VWA3B: variants seen among roughly 807,000 people sequenced by gnomAD.
VWA3B encodes the protein von Willebrand factor A domain containing 3B.
A neutral mutation model predicts 158.3 loss-of-function variants in VWA3B; 138 were observed. The ratio of observed to expected loss-of-function variants is 0.87; its 90% CI spans 0.76 to 1.00. VWA3B has a LOEUF of 1.00. Ranked by LOEUF, VWA3B falls within the 50% of genes least tolerant of loss-of-function variation. VWA3B has a pLI of 0.00. For missense variants in VWA3B, 1,555 were observed against 1,565.1 expected (o/e 0.99, Z 0.11); for synonymous variants, 596 against 587.3 (o/e 1.01, Z -0.21).
chr2:98,088,042 T>C (rs1439524828), intron 1 of VWA3B, among the ~76,000 whole-genome samples: 2 of 152,180 alleles, frequency 1.3e-5, no homozygotes, highest in East Asian at 3.9e-4. Context: ...TTTGAGCCAA[T>C]GATCACAGCC....
At chr2:98,199,289 T>G (rs1431778044) in intron 12 of VWA3B, among the ~76,000 whole-genome samples, 1 of 152,186 alleles carries the variant, frequency 6.6e-6, no homozygotes, top group Non-Finnish European at 1.5e-5. Context: ...ATTTCCTGTT[T>G]TGGGTTTTAT....
intron 15 of VWA3B, 50 bp downstream of exon 15, chr2:98,228,382 T>C: frequency 6.4e-7 from 1 of 1,568,164 alleles, no homozygotes; most frequent in Non-Finnish European, 8.6e-7. Context: ...TCTTGAGAGC[T>C]GGGCTTGCCC....
intron 19 of VWA3B, among the ~76,000 whole-genome samples, chr2:98,247,846 T>C (rs1686499726): frequency 6.6e-6 from 1 of 152,122 alleles, no homozygotes; most frequent in Non-Finnish European, 1.5e-5. Flanking sequence ...GATTATGGTT[T>C]TAAATGCTGA....
chr2:98,169,690 C>T (rs566130883), intron 8 of VWA3B, among the ~76,000 whole-genome samples: 94 of 147,468 alleles, frequency 6.4e-4, no homozygotes, highest in Non-Finnish European at 1.3e-3. Flanking sequence ...TGTTCAGAGA[C>T]GTGGGTGGGA....
At chr2:98,171,779 T>C (rs566652268) in intron 8 of VWA3B, among the ~76,000 whole-genome samples, 1 of 152,148 alleles carries the variant, frequency 6.6e-6, no homozygotes, top group East Asian at 1.9e-4. Flanking sequence ...AGTACAGTGA[T>C]GGTGGCATCC....
At chr2:98,240,507 T>C (rs1374011277) in intron 19 of VWA3B, among the ~76,000 whole-genome samples, 1 of 152,204 alleles carries the variant, frequency 6.6e-6, no homozygotes, top group Non-Finnish European at 1.5e-5. Flanking sequence ...GCATTTTAAA[T>C]TTTGATAATT....
At chr2:98,182,046 G>A (rs540396434) in intron 9 of VWA3B, among the ~76,000 whole-genome samples, 2 of 152,244 alleles carry the variant, frequency 1.3e-5, no homozygotes, top group Non-Finnish European at 2.9e-5. Context: ...CAAAACCAAA[G>A]GCAGGCTCTT....
At chr2:98,307,766 A>G (rs975747458) in intron 26 of VWA3B, among the ~76,000 whole-genome samples, 7 of 152,262 alleles carry the variant, frequency 4.6e-5, no homozygotes, top group African/African-American at 1.7e-4. Flanking sequence ...TTCACAGGCT[A>G]TTAAAGACAT....
At position 98,164,499 on chromosome 2, in the gene VWA3B, G is replaced by A. The variant is rs79645821; in HGVS notation, c.1114+1523G>A. On this transcript the variant is annotated intron_variant, in intron 8 of 27. Coordinates refer to ENST00000477737, the MANE Select transcript of VWA3B (RefSeq NM_144992.5). ...TCATTTAAGCCTCATAACTCTATGA[G>A]GGAGTTTCTTATTATCTCCAACTGA... is the stretch of plus-strand genomic sequence containing the variant. Among the ~76,000 whole-genome samples, 462 of 152,312 alleles carry A rather than the reference G, an allele frequency of 3.0e-3. 3 individuals are homozygous for A. The highest frequency in any genetic ancestry group is 0.011 in the African/African-American group (437 of 41,560).
intron 19 of VWA3B, chr2:98,245,404 T>G (rs1686328847): frequency 5.3e-6 from 2 of 373,942 alleles, no homozygotes; most frequent in African/African-American, 4.2e-5. Flanking sequence ...AGAAAACATT[T>G]CCTGTGATCT....
intron 8 of VWA3B, among the ~76,000 whole-genome samples, chr2:98,179,840 CTT>C (rs1391196092): frequency 8.5e-6 from 1 of 117,358 alleles, no homozygotes; most frequent in African/African-American, 3.3e-5. Flanking sequence ...TTCTTTCTTT[CTT>C]TCTCTCTTTT....
At position 98,137,110 on chromosome 2, in the gene VWA3B, G is replaced by A. The variant is rs189930841; in HGVS notation, c.988+3171G>A. ...GTTGGGAACAATGTTATGAATATGG[G>A]TGTACAAAATAGCTCTTTGAGATTC... is the stretch of plus-strand genomic sequence containing the variant. On this transcript the variant is annotated intron_variant, in intron 7 of 27. Coordinates refer to ENST00000477737, the MANE Select transcript of VWA3B (RefSeq NM_144992.5). 5.0e-3 allele frequency among the ~76,000 whole-genome samples: 766 copies of A among 152,316 alleles called. 2 individuals carry two copies. The highest frequency in any genetic ancestry group is 0.012 in the South Asian group (56 of 4,826).
chr2:98,163,436 G>T (rs537715696), intron 8 of VWA3B, among the ~76,000 whole-genome samples: 22 of 152,250 alleles, frequency 1.4e-4, no homozygotes, highest in African/African-American at 5.3e-4. Flanking sequence ...TACTCAGGAG[G>T]CTGAGGCAGG....
At chr2:98,323,819 T>G in the VWA3B span, among the ~76,000 whole-genome samples, 1 of 152,234 alleles carries the variant, frequency 6.6e-6, no homozygotes, top group Non-Finnish European at 1.5e-5. Flanking sequence ...GAATTGTATA[T>G]GCAGTAAAAC....
chr2:98,154,043 G>A (rs924803437), intron 7 of VWA3B, among the ~76,000 whole-genome samples: 1 of 152,080 alleles, frequency 6.6e-6, no homozygotes, highest in African/African-American at 2.4e-5. Flanking sequence ...TGTATTTTTA[G>A]TAGAGACGGG....
chr2:98,126,495 T>C (rs1675369382), intron 5 of VWA3B, among the ~76,000 whole-genome samples: 1 of 152,120 alleles, frequency 6.6e-6, no homozygotes, highest in Admixed American at 6.5e-5. Context: ...GCTGGAAAAC[T>C]CGGATAAATA....
intron 2 of VWA3B, among the ~76,000 whole-genome samples, chr2:98,110,274 C>CT (rs994430121): frequency 1.3e-5 from 2 of 151,868 alleles, no homozygotes; most frequent in African/African-American, 2.4e-5. Context: ...ACTCATTCTT[C>CT]TTTTTTCATT....
chr2:98,158,793 A>G (rs1218307943), intron 7 of VWA3B, among the ~76,000 whole-genome samples: 1 of 152,038 alleles, frequency 6.6e-6, no homozygotes, highest in African/African-American at 2.4e-5. Context: ...TCTGATACAG[A>G]GGACAGGGCT....
intron 10 of VWA3B, among the ~76,000 whole-genome samples, chr2:98,189,850 A>T (rs1039553785): frequency 1.3e-5 from 2 of 152,122 alleles, no homozygotes; most frequent in African/African-American, 4.8e-5. Context: ...TTGCTCTGAA[A>T]TTTACTTTGA....
Sources: allele counts gnomAD v4.1 joint callset (sites outside exome capture counted in the v4.1 genomes callset), GRCh38; gene constraint gnomAD v4.1.1; transcripts MANE v1.5; gene names NCBI Gene and HGNC (gene_info 2026-07-23, HGNC 2026-07-21).